Variants in ACOD1 observed in about 807,000 individuals in gnomAD.
The protein encoded by ACOD1 is aconitate decarboxylase 1.
Under a neutral mutation model 14.2 loss-of-function variants are expected in ACOD1, and 14 were observed. The ratio of observed to expected loss-of-function variants is 0.99; its 90% CI spans 0.65 to 1.54. The LOEUF (loss-of-function observed/expected upper bound fraction) is 1.54. Among genes scored for constraint, ACOD1 ranks in the 40% most tolerant of loss-of-function variants. The probability of loss-of-function intolerance (pLI) is 0.00; values close to 1 mark genes in which losing one functional copy is unlikely to be tolerated. For synonymous variants in ACOD1, 182 were observed against 221.7 expected (o/e 0.82, Z 1.59); for missense variants, 530 against 586.3 (o/e 0.90, Z 0.99).
In ACOD1 at chr13:76,957,402, C is replaced by T. The variant is rs2033889203; in HGVS notation, c.863C>T (p.Ala288Val). 1.9e-6 allele frequency: 3 copies of T among 1,550,558 alleles called. No homozygotes were observed. Among genetic ancestry groups the T allele is most frequent in the Non-Finnish European group, 2.6e-6 (3 of 1,147,012 alleles). The change falls in exon 5 of 5, where the codon GCA (alanine) becomes GTA (valine). Residue 288 changes from alanine (A) to valine (V), a missense_variant. Transcript: ENST00000377462. ...ACCCACTGGGTGGCAGACGCAGCTGCATCTGTGAGAAAGCACCTTGTAGCA... is the reference window on the plus strand; with the variant it reads ...ACCCACTGGGTGGCAGACGCAGCTGTATCTGTGAGAAAGCACCTTGTAGCA... ...LSTHWVADAA[A>V]SVRKHLVAER... is the part of the protein sequence containing the mutation.
chr13:76,949,505 G>T (rs940648963), intron 1 of ACOD1, among the ~76,000 whole-genome samples: 11 of 152,064 alleles, frequency 7.2e-5, no homozygotes, highest in African/African-American at 2.7e-4. Flanking sequence ...TGGCACACAG[G>T]GTGCTGTTCA....
At position 76,949,506 on chromosome 13, in the gene ACOD1, G is replaced by A. The variant is rs78656036; in HGVS notation, c.12+936G>A. ...AGCCATGTGTTCTTTGGCACACAGG[G>A]TGCTGTTCAGGACTTCCAGAGGATT... is the stretch of plus-strand genomic sequence containing the variant. On this transcript the variant is annotated intron_variant, in intron 1 of 4. Coordinates refer to ENST00000377462, the MANE Select transcript of ACOD1 (RefSeq NM_001258406.2). Among the ~76,000 whole-genome samples the A allele has an allele frequency of 6.8e-3, 1,031 of 152,184 alleles. 14 individuals are homozygous for A. The highest frequency in any genetic ancestry group is 0.023 in the African/African-American group (952 of 41,522).
chr13:76,958,360 A>T lies in ACOD1; in HGVS notation c.*375A>T, dbSNP rs550302508. ...CTGACAGTGGAGAGGGCTCTGGTGC[A>T]TTGTGTCACCAACAGATCTCCTAGA... On this transcript the variant is annotated 3_prime_UTR_variant, in exon 5 of 5. Coordinates refer to ENST00000377462, the MANE Select transcript of ACOD1 (RefSeq NM_001258406.2). 1 of 187,436 alleles carries T rather than the reference A, an allele frequency of 5.3e-6. No individual in the cohort carries two copies. Among genetic ancestry groups the T allele is most frequent in the South Asian group, 1.1e-4 (1 of 8,736 alleles). 11.6% of individuals were successfully genotyped at this position (187,436 alleles called of 1,614,324 possible).
rs1171202417 is a variant in ACOD1 at position 76,957,028 on chromosome 13, G to A, written c.489G>A (p.Val163=). ...DMPKRFHPPS[V]VGTLGSAAAA... ...TTTTCAGATTCCATCCCCCTTCCGT[G>A]GTAGGAACGTTGGGTAGTGCTGCTG... Residue 163 remains valine, a synonymous_variant, in exon 5 of 5, where the codon GTG becomes GTA. Transcript: ENST00000377462. The A allele has an allele frequency of 6.5e-7, 1 of 1,548,672 alleles. No individual in the cohort carries two copies. The highest frequency in any genetic ancestry group is 1.2e-5 in the South Asian group (1 of 83,860).
Position 76,957,703 on chromosome 13 carries a change from A to C in ACOD1, c.1164A>C (p.Ile388=). 2 of 1,550,652 alleles carry C rather than the reference A, an allele frequency of 1.3e-6. No homozygotes were observed. Among genetic ancestry groups the C allele is most frequent in the Non-Finnish European group, 1.7e-6 (2 of 1,146,990 alleles). The change falls in exon 5 of 5, where the codon ATA becomes ATC. Residue 388 remains isoleucine, a synonymous_variant. Coordinates refer to ENST00000377462, the MANE Select transcript of ACOD1 (RefSeq NM_001258406.2). ...GCTTCAACATACTGTACTGTGAAATAAGTGTCACCCTCAAGGATGGAGCCA... is the reference window on the plus strand; with the variant it reads ...GCTTCAACATACTGTACTGTGAAATCAGTGTCACCCTCAAGGATGGAGCCA... The part of the protein sequence containing the change: ...LPSFNILYCE[I]SVTLKDGATF...
At chr13:76,953,305 C>T (rs1056439763) in intron 2 of ACOD1, among the ~76,000 whole-genome samples, 2 of 152,108 alleles carry the variant, frequency 1.3e-5, no homozygotes, top group East Asian at 1.9e-4. Flanking sequence ...AACAGTTAGT[C>T]CATCTTCCCT....
chr13:76,949,938 C>T (rs973706113), intron 1 of ACOD1, among the ~76,000 whole-genome samples: 1 of 152,176 alleles, frequency 6.6e-6, no homozygotes, highest in African/African-American at 2.4e-5. Context: ...CATCCTTTCT[C>T]TCTCCCAGCC....
Position 76,957,645 on chromosome 13 carries a change from T to C in ACOD1, c.1106T>C (p.Val369Ala). 1 of 1,550,566 alleles carries C rather than the reference T, an allele frequency of 6.4e-7. No individual in the cohort carries two copies. Among genetic ancestry groups the C allele is most frequent in the Non-Finnish European group, 8.7e-7 (1 of 1,147,000 alleles). The change falls in exon 5 of 5, where the codon GTG (valine) becomes GCG (alanine). Residue 369 changes from valine to alanine, a missense_variant. Physicochemically the swap from Val to Ala is moderately conservative, Grantham distance 64. Coordinates refer to ENST00000377462, the MANE Select transcript of ACOD1 (RefSeq NM_001258406.2). ...RPQVRELLSK[V>A]ELEYPPDNLP... Reference sequence around the variant, plus strand: ...CAGGTGAGAGAGCTGCTCAGTAAGGTGGAGCTGGAGTACCCTCCGGACAAC... The same window carrying C: ...CAGGTGAGAGAGCTGCTCAGTAAGGCGGAGCTGGAGTACCCTCCGGACAAC...
In ACOD1 at chr13:76,957,392, G is replaced by A. The variant is rs1228368092; in HGVS notation, c.853G>A (p.Asp285Asn). Residue 285 changes from aspartate to asparagine, a missense_variant, in exon 5 of 5, where the codon GAC (aspartate) becomes AAC (asparagine). By Grantham distance (23) the Asp-to-Asn change is conservative. Transcript: ENST00000377462. ...PAHLSTHWVA[D>N]AAASVRKHLV... ...ACATTTATCTACCCACTGGGTGGCA[G>A]ACGCAGCTGCATCTGTGAGAAAGCA... 1 of 1,550,668 alleles carries A rather than the reference G, an allele frequency of 6.4e-7. No individual in the cohort carries two copies. The highest frequency in any genetic ancestry group is 2.4e-5 in the East Asian group (1 of 40,930).
In ACOD1 at chr13:76,958,205, G is replaced by T. The variant is rs531823197; in HGVS notation, c.*220G>T. The T allele has an allele frequency of 1.1e-5, 5 of 464,062 alleles. No individual in the cohort carries two copies. The South Asian group carries it at 2.0e-4, about 18-fold the overall frequency. The allele number at this position is 464,062 out of a possible 1,614,324, so 28.7% of individuals were successfully genotyped here. A position where few individuals can be genotyped will look rare whatever the true frequency, so the allele number is the denominator to read the frequency against. On this transcript the variant is annotated 3_prime_UTR_variant, in exon 5 of 5. Coordinates refer to ENST00000377462, the MANE Select transcript of ACOD1 (RefSeq NM_001258406.2). ...GAAACACACACACAAAAATGAGTTT[G>T]TAAGCATTCACAAGGGTGAAATTCA...
intron 1 of ACOD1, among the ~76,000 whole-genome samples, chr13:76,952,212 C>A (rs2033828570): frequency 6.6e-6 from 1 of 152,118 alleles, no homozygotes; most frequent in South Asian, 2.1e-4. Flanking sequence ...CACCACCACC[C>A]ATCACGCAAT....
intron 3 of ACOD1, 141 bp downstream of exon 3, chr13:76,953,830 C>T (rs1004320433): frequency 1.7e-6 from 1 of 598,952 alleles, no homozygotes; most frequent in South Asian, 2.2e-5. Context: ...CTTACCCTCT[C>T]TCCTATGTAG....
intron 2 of ACOD1, 137 bp downstream of exon 2, chr13:76,952,787 C>T (rs879417620): frequency 6.9e-5 from 49 of 709,164 alleles, no homozygotes; most frequent in Non-Finnish European, 1.0e-4. Context: ...TTCCTATGTT[C>T]CATTATCTGA....
intron 4 of ACOD1, 48 bp downstream of exon 4, chr13:76,955,572 C>T: frequency 2.7e-6 from 4 of 1,479,212 alleles, no homozygotes; most frequent in Non-Finnish European, 3.7e-6. Flanking sequence ...TCCCCTTCAT[C>T]TATCAATCAT....
At chr13:76,949,066 C>G (rs861135) in intron 1 of ACOD1, among the ~76,000 whole-genome samples, 112,804 of 151,848 alleles carry the variant, frequency 0.74, 42,355 homozygotes, top group Admixed American at 0.82. Flanking sequence ...GGGAGATCGA[C>G]ACCATGCTCG....
intron 4 of ACOD1, among the ~76,000 whole-genome samples, chr13:76,956,231 C>T (rs188459442): frequency 1.3e-5 from 2 of 152,308 alleles, no homozygotes; most frequent in Admixed American, 1.3e-4. Context: ...GAGATGGAGT[C>T]TCGCTCTGTT....
At position 76,957,102 on chromosome 13, in the gene ACOD1, T is replaced by C. The variant is rs1206077387; in HGVS notation, c.563T>C (p.Leu188Pro). 1.9e-6 allele frequency: 3 copies of C among 1,550,550 alleles called. No individual in the cohort carries two copies. In the African/African-American group the frequency reaches 4.1e-5, roughly 21 times the overall value. The change falls in exon 5 of 5, where the codon CTG becomes CCG. Residue 188 changes from leucine to proline, a missense_variant. By Grantham distance (98) the Leu-to-Pro change is moderately conservative. Transcript: ENST00000377462. ...AGCTCGACAAAGTGCCGAGAAGCTC[T>C]GGCCATTGCTGTTTCCCATGCTGGG... ...GLSSTKCREA[L>P]AIAVSHAGAP...
At chr13:76,956,714 T>A (rs962384515) in intron 4 of ACOD1, among the ~76,000 whole-genome samples, 21 of 152,072 alleles carry the variant, frequency 1.4e-4, no homozygotes, top group African/African-American at 5.1e-4. Flanking sequence ...TGTTTTGCCA[T>A]GTTGGCCAAC....
chr13:76,951,462 C>T (rs2033820439), intron 1 of ACOD1, among the ~76,000 whole-genome samples: 1 of 152,200 alleles, frequency 6.6e-6, no homozygotes, highest in Admixed American at 6.5e-5. Flanking sequence ...TCTTGAACTG[C>T]TGACCTCAAG....
Sources: gnomAD v4.1 joint callset for allele counts (sites outside exome capture counted in the v4.1 genomes callset) on GRCh38, gnomAD v4.1.1 for gene constraint, MANE v1.5 for transcripts, NCBI Gene and HGNC (gene_info 2026-07-23, HGNC 2026-07-21) for gene names.